The following SAMD7 variants were observed in gnomAD, a reference collection of about 807,000 sequenced individuals.
The protein encoded by SAMD7 is sterile alpha motif domain containing 7, also known as sterile alpha motif domain-containing protein 7.
SAMD7 carries 34 observed loss-of-function variants against 36.7 expected under a neutral mutation model. The ratio of observed to expected loss-of-function variants is 0.93; its 90% confidence interval spans 0.71 to 1.23. The LOEUF (loss-of-function observed/expected upper bound fraction) is 1.23, where lower values mean the gene tolerates loss of function less well. Among genes scored for constraint, SAMD7 ranks in the 50% most tolerant of loss-of-function variants. SAMD7 has a pLI of 0.00. For synonymous variants in SAMD7, 188 were observed against 189.7 expected (o/e 0.99, Z 0.07); for missense variants, 570 against 546.6 (o/e 1.04, Z -0.43).
chr3:169,917,727 C>T (rs1285462844), intron 2 of SAMD7, among the ~76,000 whole-genome samples: 2 of 151,888 alleles, frequency 1.3e-5, no homozygotes, highest in Non-Finnish European at 2.9e-5. Flanking sequence ...CTGCAAGCTC[C>T]GCCTCCCAGG....
chr3:169,926,814 C>A lies in SAMD7; in HGVS notation c.552C>A (p.Leu184=). Residue 184 remains leucine (L), a synonymous_variant, in exon 6 of 9, where the codon CTC becomes CTA. Coordinates refer to ENST00000335556, the MANE Select transcript of SAMD7 (RefSeq NM_001304366.2). ...GCTGGGGGCAGAGATGTCGTCGACT[C>A]AGGAAAAATACAGGGAATCAAAAAG... is the stretch of plus-strand genomic sequence containing the variant. ...EESWGQRCRR[L]RKNTGNQKAL... is the part of the protein sequence containing the mutation. 6.2e-7 allele frequency: 1 copy of A among 1,613,746 alleles called. No homozygotes were observed. Among genetic ancestry groups the A allele is most frequent in the Non-Finnish European group, 8.5e-7 (1 of 1,179,978 alleles).
intron 6 of SAMD7, 106 bp downstream of exon 6, chr3:169,927,287 T>A: frequency 2.5e-4 from 45 of 180,352 alleles, no homozygotes; most frequent in East Asian, 6.6e-4. Context: ...TTATCTTTCT[T>A]TTTTTTTTTT....
Position 169,935,533 on chromosome 3 carries a change from G to A in SAMD7, c.1042-806G>A, listed in dbSNP as rs187558268. ...TGTTTTGTTTTGTTTTGTTTTTTTA[G>A]TTAGGAAGCGCTATGATCTACTGAA... On this transcript the variant is annotated intron_variant, in intron 7 of 8. Coordinates refer to ENST00000335556, the MANE Select transcript of SAMD7 (RefSeq NM_001304366.2). Among the ~76,000 whole-genome samples, 287 of 148,542 alleles carry A rather than the reference G, an allele frequency of 1.9e-3. 1 individual carries two copies. The highest frequency in any genetic ancestry group is 3.5e-3 in the Non-Finnish European group (231 of 66,150).
At position 169,938,761 on chromosome 3, in the gene SAMD7, C is replaced by T. The variant is rs889371897; in HGVS notation, c.*255C>T. ...AGATTTACAAACATCAAGAAAGCTG[C>T]AGATGGATGTTTCCATGAAGAAATC... On this transcript the variant is annotated 3_prime_UTR_variant, in exon 9 of 9. Coordinates refer to ENST00000335556, the MANE Select transcript of SAMD7 (RefSeq NM_001304366.2). The T allele has an allele frequency of 6.0e-6, 2 of 335,492 alleles. No individual in the cohort carries two copies. Among genetic ancestry groups the T allele is most frequent in the Non-Finnish European group, 5.3e-6 (1 of 187,098 alleles). 20.8% of individuals were successfully genotyped at this position (335,492 alleles called of 1,614,324 possible). A position where few individuals can be genotyped will look rare whatever the true frequency, so the allele number is the denominator to read the frequency against.
chr3:169,938,116 T>A (rs1055982581), intron 8 of SAMD7, among the ~76,000 whole-genome samples: 1 of 152,168 alleles, frequency 6.6e-6, no homozygotes, highest in African/African-American at 2.4e-5. Flanking sequence ...GCCACCTTGA[T>A]ACCCTGTTTT....
intron 8 of SAMD7, among the ~76,000 whole-genome samples, chr3:169,937,462 T>C (rs1327803916): frequency 1.3e-5 from 2 of 152,116 alleles, no homozygotes; most frequent in African/African-American, 4.8e-5. Flanking sequence ...CCTATGTCCA[T>C]GTGTTCTCAT....
chr3:169,926,713 C>A lies in SAMD7; in HGVS notation c.451C>A (p.His151Asn). The A allele has an allele frequency of 6.2e-7, 1 of 1,614,016 alleles. No homozygotes were observed. ...GRSMLPAGDL[H>N]FHRSTLRNLQ... ...GAGCATGCTCCCTGCCGGTGACCTG[C>A]ATTTTCACAGAAGCACCCTCAGAAA... Residue 151 changes from histidine (H) to asparagine (N), a missense_variant, in exon 6 of 9, where the codon CAT becomes AAT. His to Asn is a moderately conservative substitution (Grantham distance 68, BLOSUM62 1). Transcript: ENST00000335556.
chr3:169,936,619 A>G (rs1576840554), intron 8 of SAMD7, among the ~76,000 whole-genome samples, 170 bp downstream of exon 8: 1 of 152,174 alleles, frequency 6.6e-6, no homozygotes, highest in East Asian at 1.9e-4. Flanking sequence ...ATTGGATGGG[A>G]TGGTGGTACA....
chr3:169,927,088 G>T lies in SAMD7; in HGVS notation c.826G>T (p.Asp276Tyr). 1 of 1,601,620 alleles carries T rather than the reference G, an allele frequency of 6.2e-7. No individual in the cohort carries two copies. The highest frequency in any genetic ancestry group is 8.5e-7 in the Non-Finnish European group (1 of 1,176,718). The change falls in exon 6 of 9, where the codon GAC becomes TAC. Residue 276 changes from aspartate (D) to tyrosine (Y), a missense_variant. Coordinates refer to ENST00000335556, the MANE Select transcript of SAMD7 (RefSeq NM_001304366.2). ...HTTTLKAKAW[D>Y]DGKEEASEQI... ...CACTACCCTGAAAGCAAAGGCCTGG[G>T]ACGATGGGAAAGAGGAGGCTTCGGA...
At chr3:169,928,208 A>G (rs1713352493) in intron 6 of SAMD7, among the ~76,000 whole-genome samples, 1 of 152,214 alleles carries the variant, frequency 6.6e-6, no homozygotes, top group Non-Finnish European at 1.5e-5. Context: ...TTCTGTTGTA[A>G]TCTGAGAGAA....
At chr3:169,918,774 A>G (rs141367434) in intron 2 of SAMD7, among the ~76,000 whole-genome samples, 3 of 152,300 alleles carry the variant, frequency 2.0e-5, no homozygotes, top group African/African-American at 4.8e-5. Context: ...AAATAGGAAT[A>G]TTTTTCCAAA....
intron 7 of SAMD7, among the ~76,000 whole-genome samples, chr3:169,930,952 A>G (rs1191589504): frequency 2.0e-5 from 3 of 152,056 alleles, no homozygotes; most frequent in Non-Finnish European, 4.4e-5. Flanking sequence ...ACTGTCCCCC[A>G]ACTATCCTCT....
In SAMD7 at chr3:169,919,479, T is replaced by A. The variant is rs1022846163; in HGVS notation, c.-20T>A. Reference sequence around the variant, plus strand: ...TTAGAACTCCATTAGTGGCGAGAGATATTGAAGACAAACCCGGTGATGGCT... The same window carrying A: ...TTAGAACTCCATTAGTGGCGAGAGAAATTGAAGACAAACCCGGTGATGGCT... On this transcript the variant is annotated 5_prime_UTR_variant, in exon 3 of 9. Coordinates refer to ENST00000335556, the MANE Select transcript of SAMD7 (RefSeq NM_001304366.2). 1.9e-6 allele frequency: 3 copies of A among 1,600,772 alleles called. No homozygotes were observed. The African/African-American group carries it at 4.0e-5, about 21-fold the overall frequency.
intron 3 of SAMD7, 25 bp from the exon 4 acceptor site, chr3:169,921,189 T>G: frequency 6.2e-7 from 1 of 1,610,444 alleles, no homozygotes; most frequent in Non-Finnish European, 8.5e-7. Flanking sequence ...TTTACCTATT[T>G]TATTTTATAT....
chr3:169,926,790 C>A lies in SAMD7; in HGVS notation c.528C>A (p.Ser176Arg). 1 of 1,613,912 alleles carries A rather than the reference C, an allele frequency of 6.2e-7. No individual in the cohort carries two copies. Among genetic ancestry groups the A allele is most frequent in the Non-Finnish European group, 8.5e-7 (1 of 1,179,986 alleles). The change falls in exon 6 of 9, where the codon AGC becomes AGA. Residue 176 changes from serine (S) to arginine (R), a missense_variant. Transcript: ENST00000335556. The part of the protein sequence containing the change: ...LAATAPHFEE[S>R]WGQRCRRLRK... The stretch of plus-strand genomic sequence containing the variant: ...CAACTGCACCACACTTTGAGGAGAG[C>A]TGGGGGCAGAGATGTCGTCGACTCA...
intron 8 of SAMD7, among the ~76,000 whole-genome samples, chr3:169,937,590 G>A (rs1395564129): frequency 2.0e-5 from 3 of 151,896 alleles, no homozygotes; most frequent in African/African-American, 4.8e-5. Flanking sequence ...ACATGATCTC[G>A]TTCCTTTTTA....
At chr3:169,933,787 A>T (rs1713610104) in intron 7 of SAMD7, among the ~76,000 whole-genome samples, 1 of 152,142 alleles carries the variant, frequency 6.6e-6, no homozygotes, top group Admixed American at 6.5e-5. Context: ...TTCTCATGGC[A>T]CTCATAGTCC....
At chr3:169,928,297 G>A (rs545044501) in intron 6 of SAMD7, among the ~76,000 whole-genome samples, 160 bp from the exon 7 acceptor site, 2 of 152,290 alleles carry the variant, frequency 1.3e-5, no homozygotes, top group East Asian at 3.9e-4. Flanking sequence ...AAAGAAAGGA[G>A]GCAGCTGAAG....
chr3:169,934,660 G>C (rs1466406343), intron 7 of SAMD7, among the ~76,000 whole-genome samples: 1 of 152,154 alleles, frequency 6.6e-6, no homozygotes, highest in African/African-American at 2.4e-5. Flanking sequence ...ACTCAGTGCT[G>C]CCCAGTCACA....
Sources: allele counts gnomAD v4.1 joint callset (sites outside exome capture counted in the v4.1 genomes callset), GRCh38; gene constraint gnomAD v4.1.1; transcripts MANE v1.5; gene names NCBI Gene and HGNC (gene_info 2026-07-23, HGNC 2026-07-21).